The following PHACTR1 variants were observed in gnomAD, a reference collection of about 807,000 sequenced individuals.
The protein encoded by PHACTR1 is RPEL repeat containing 1.
PHACTR1 carries 16 observed loss-of-function variants against 69.2 expected under a neutral mutation model. That is an observed-to-expected ratio of 0.23 (90% CI 0.16 to 0.35). The LOEUF (loss-of-function observed/expected upper bound fraction) is 0.35, where lower values mean the gene tolerates loss of function less well. PHACTR1 is among the 10% of genes least tolerant of loss of function. The probability of loss-of-function intolerance (pLI) is 1.00; values close to 1 mark genes in which losing one functional copy is unlikely to be tolerated. For synonymous variants in PHACTR1, 312 were observed against 284.5 expected (o/e 1.10, Z -0.97); for missense variants, 510 against 734.7 (o/e 0.69, Z 3.54).
chr6:13,084,750 T>G (rs1168372175), intron 5 of PHACTR1, among the ~76,000 whole-genome samples: 2 of 152,064 alleles, frequency 1.3e-5, no homozygotes. Flanking sequence ...GCGTGAATAA[T>G]GACATTCTAA....
At chr6:12,957,675 C>A (rs1792070533) in intron 4 of PHACTR1, 2 of 985,424 alleles carry the variant, frequency 2.0e-6, no homozygotes, top group African/African-American at 1.7e-5. Flanking sequence ...CTGGAGAGAC[C>A]ATCGTGGAGG....
At chr6:12,797,046 A>AGG (rs1561891318) in intron 4 of PHACTR1, among the ~76,000 whole-genome samples, 1 of 138,406 alleles carries the variant, frequency 7.2e-6, no homozygotes, top group East Asian at 2.0e-4. Context: ...TGTGTGAGAG[A>AGG]GAGAGAGAGA....
intron 4 of PHACTR1, among the ~76,000 whole-genome samples, chr6:13,049,700 G>T (rs1805626791): frequency 6.6e-6 from 1 of 152,168 alleles, no homozygotes; most frequent in South Asian, 2.1e-4. Context: ...ATTCTGAGCA[G>T]CTTACTCAGG....
At chr6:12,928,188 G>C (rs968729782) in intron 4 of PHACTR1, among the ~76,000 whole-genome samples, 10 of 152,172 alleles carry the variant, frequency 6.6e-5, no homozygotes, top group African/African-American at 2.4e-4. Flanking sequence ...AGGAGATGCG[G>C]CAGACACCTC....
At position 12,757,532 on chromosome 6, in the gene PHACTR1, G is replaced by T. The variant is rs187014312; in HGVS notation, c.250+7742G>T. Among the ~76,000 whole-genome samples the T allele has an allele frequency of 4.6e-5, 7 of 152,296 alleles. No individual in the cohort carries two copies. The East Asian group carries it at 1.4e-3, about 29-fold the overall frequency. The stretch of plus-strand genomic sequence containing the variant: ...TAGAGAGGGGCACCGAAGAAGCAGA[G>T]AAGCCAGTTTGGAGGCTATGAACGG... On this transcript the variant is annotated intron_variant, in intron 4 of 14. Transcript: ENST00000332995.
rs1262131234 is a variant in PHACTR1, at chr6:13,275,831, A to G, written c.1448-2437A>G. On this transcript the variant is annotated intron_variant, in intron 11 of 14. Coordinates refer to ENST00000332995, the MANE Select transcript of PHACTR1 (RefSeq NM_030948.6). The surrounding 1 kb of genome is among the most constrained non-coding windows in gnomAD (Gnocchi z 4.0). Reference sequence around the variant, plus strand: ...CAACATCCAGACCACCTTTTCTTCCATCCGTTTTCCCACCTGAGACATCGC... The same window carrying G: ...CAACATCCAGACCACCTTTTCTTCCGTCCGTTTTCCCACCTGAGACATCGC... 6.6e-6 allele frequency: 1 copy of G among 152,018 alleles called. No homozygotes were observed. Among genetic ancestry groups the G allele is most frequent in the East Asian group, 1.9e-4 (1 of 5,182 alleles). 9.4% of individuals were successfully genotyped at this position (152,018 alleles called of 1,614,324 possible).
At position 13,200,571 on chromosome 6, in the gene PHACTR1, A is replaced by G. The variant is rs548011395; in HGVS notation, c.665-5244A>G. On this transcript the variant is annotated intron_variant, in intron 7 of 14. Coordinates refer to ENST00000332995, the MANE Select transcript of PHACTR1 (RefSeq NM_030948.6). ...GTGTTCCAAGGACTCTGCTCTAAGA[A>G]ATAGTGCCCTTTTGTTCAGAGAAAA... is the stretch of plus-strand genomic sequence containing the variant. Among the ~76,000 whole-genome samples, 42 of 152,296 alleles carry G rather than the reference A, an allele frequency of 2.8e-4. 1 individual carries two copies. Among genetic ancestry groups the G allele is most frequent in the Non-Finnish European group, 5.0e-4 (34 of 68,016 alleles).
At chr6:12,838,242 C>T (rs1017527052) in intron 4 of PHACTR1, among the ~76,000 whole-genome samples, 5 of 152,306 alleles carry the variant, frequency 3.3e-5, no homozygotes, top group Non-Finnish European at 5.9e-5. Context: ...AGAAAAGGGT[C>T]ACATGAGGGT....
intron 4 of PHACTR1, among the ~76,000 whole-genome samples, chr6:12,883,097 C>T (rs1196727418): frequency 6.6e-6 from 1 of 152,174 alleles, no homozygotes; most frequent in Non-Finnish European, 1.5e-5. Context: ...TGAGATAAGT[C>T]AGAGTTATGG....
intron 4 of PHACTR1, among the ~76,000 whole-genome samples, chr6:12,846,752 A>G (rs1673971174): frequency 1.3e-5 from 2 of 148,204 alleles, no homozygotes; most frequent in East Asian, 2.0e-4. Flanking sequence ...GCCTTAGGAG[A>G]TTTGTGGTAA....
intron 4 of PHACTR1, among the ~76,000 whole-genome samples, chr6:12,845,581 T>C (rs1389204349): frequency 6.6e-6 from 1 of 152,022 alleles, no homozygotes; most frequent in Non-Finnish European, 1.5e-5. Flanking sequence ...CTGAGATTAT[T>C]ATCATATATA....
At chr6:13,185,040 T>C (rs1287264901) in intron 7 of PHACTR1, 1 of 1,314,486 alleles carries the variant, frequency 7.6e-7, no homozygotes, top group East Asian at 4.7e-5. Flanking sequence ...AAGCAGTCCC[T>C]CCTTCCCTTC....
chr6:13,072,300 T>C (rs1809655942), intron 5 of PHACTR1, among the ~76,000 whole-genome samples: 1 of 152,244 alleles, frequency 6.6e-6, no homozygotes, highest in African/African-American at 2.4e-5. Flanking sequence ...TTAACTTGTT[T>C]GTCACCAACA....
At chr6:13,006,708 A>T (rs1359618140) in intron 4 of PHACTR1, among the ~76,000 whole-genome samples, 2 of 152,170 alleles carry the variant, frequency 1.3e-5, no homozygotes, top group Non-Finnish European at 2.9e-5. Context: ...TAGTCTCGAT[A>T]GGCTAGATCG....
At chr6:12,852,527 C>T (rs1779937810) in intron 4 of PHACTR1, among the ~76,000 whole-genome samples, 1 of 152,152 alleles carries the variant, frequency 6.6e-6, no homozygotes, top group African/African-American at 2.4e-5. Context: ...CCGTTTCTTT[C>T]ACCTGTCAAA....
intron 3 of PHACTR1, among the ~76,000 whole-genome samples, chr6:12,745,907 G>A (rs891488698): frequency 1.6e-4 from 24 of 152,082 alleles, no homozygotes; most frequent in African/African-American, 5.6e-4. Flanking sequence ...ACTGGCAGTG[G>A]CACCCACCAT....
intron 4 of PHACTR1, among the ~76,000 whole-genome samples, chr6:12,806,156 A>G (rs988246380): frequency 2.0e-5 from 3 of 152,126 alleles, no homozygotes; most frequent in Admixed American, 2.0e-4. Context: ...TCCAAAATCT[A>G]CACCTTCTGC....
At chr6:12,981,523 G>GA (rs1218585287) in intron 4 of PHACTR1, among the ~76,000 whole-genome samples, 1 of 152,198 alleles carries the variant, frequency 6.6e-6, no homozygotes, top group East Asian at 1.9e-4. Flanking sequence ...GCTTACGTAG[G>GA]AAAAATTCCA....
chr6:12,957,627 T>C (rs898127475), intron 4 of PHACTR1: 14 of 984,754 alleles, frequency 1.4e-5, no homozygotes, highest in Non-Finnish European at 1.7e-5. Flanking sequence ...CCAGGAGGGG[T>C]TGGTGTGCCT....
Sources: gnomAD v4.1 joint callset for allele counts (sites outside exome capture counted in the v4.1 genomes callset) on GRCh38, gnomAD v4.1.1 for gene constraint, Gnocchi (gnomAD v3.1) non-coding constraint, MANE v1.5 for transcripts, NCBI Gene and HGNC (gene_info 2026-07-23, HGNC 2026-07-21) for gene names.